SLC35D4: variants seen among roughly 807,000 people sequenced by gnomAD.
The protein encoded by SLC35D4 is UDP-N-acetylglucosamine transporter SLC35D4.
At chr18:23,267,062 A>C in the SLC35D4 span, among the ~76,000 whole-genome samples, 1 of 152,218 alleles carries the variant, frequency 6.6e-6, no homozygotes, top group Non-Finnish European at 1.5e-5. Context: ...CCGCATCTGC[A>C]TGGGGCCTGA....
At chr18:23,301,794 C>A in the SLC35D4 span, among the ~76,000 whole-genome samples, 1 of 152,132 alleles carries the variant, frequency 6.6e-6, no homozygotes, top group Non-Finnish European at 1.5e-5. Context: ...GTATCTTTCT[C>A]TTTTGTATGC....
the SLC35D4 span, among the ~76,000 whole-genome samples, chr18:23,314,448 A>G: frequency 6.6e-6 from 1 of 152,202 alleles, no homozygotes; most frequent in African/African-American, 2.4e-5. Context: ...GCCTACTGCA[A>G]TGTGCTTACC....
chr18:23,403,740 T>G, the SLC35D4 span, among the ~76,000 whole-genome samples: 2 of 152,222 alleles, frequency 1.3e-5, no homozygotes, highest in Non-Finnish European at 2.9e-5. Context: ...GAGATGCTTT[T>G]GGGACACCCA....
the SLC35D4 span, among the ~76,000 whole-genome samples, chr18:23,372,974 C>A: frequency 6.6e-6 from 1 of 152,110 alleles, no homozygotes; most frequent in Non-Finnish European, 1.5e-5. Context: ...GGGTCCTCAG[C>A]ACCTCATAAA....
chr18:23,367,322 C>T, the SLC35D4 span, among the ~76,000 whole-genome samples: 4 of 152,106 alleles, frequency 2.6e-5, no homozygotes, highest in South Asian at 6.2e-4. Context: ...AAATTCCCTC[C>T]GATACTTAGA....
chr18:23,284,932 G>A, the SLC35D4 span, among the ~76,000 whole-genome samples: 6 of 152,184 alleles, frequency 3.9e-5, no homozygotes, highest in Admixed American at 3.9e-4. Context: ...TGGGCAGGTG[G>A]CCCCTCTAGC....
At chr18:23,405,956 G>A in the SLC35D4 span, among the ~76,000 whole-genome samples, 1 of 152,174 alleles carries the variant, frequency 6.6e-6, no homozygotes, top group Admixed American at 6.6e-5. Context: ...ACAAGGTAAA[G>A]ACATGAGCTA....
At chr18:23,437,937 G>A in the SLC35D4 span, 2 of 1,431,026 alleles carry the variant, frequency 1.4e-6, no homozygotes, top group South Asian at 1.2e-5. Context: ...AGCAGCAGCG[G>A]CAGCGGCAGC....
At chr18:23,240,589 TG>T in the SLC35D4 span, among the ~76,000 whole-genome samples, 1 of 152,224 alleles carries the variant, frequency 6.6e-6, no homozygotes, top group African/African-American at 2.4e-5. Context: ...GATTCCCTCC[TG>T]GGTGGGAATG....
chr18:23,245,856 C>G, the SLC35D4 span, among the ~76,000 whole-genome samples: 2 of 152,274 alleles, frequency 1.3e-5, no homozygotes, highest in African/African-American at 4.8e-5. Flanking sequence ...TTGCAAAAAA[C>G]ACAACTGCCT....
At chr18:23,433,066 CTTTTTT>C in the SLC35D4 span, among the ~76,000 whole-genome samples, 2 of 142,970 alleles carry the variant, frequency 1.4e-5, no homozygotes, top group Admixed American at 7.0e-5. Flanking sequence ...TAACTCTTTT[CTTTTTT>C]TTTTTTGAGA....
At chr18:23,415,605 A>G in the SLC35D4 span, among the ~76,000 whole-genome samples, 17 of 152,250 alleles carry the variant, frequency 1.1e-4, no homozygotes, top group African/African-American at 4.1e-4. Flanking sequence ...AAAACGGGTC[A>G]CAACGTTCTT....
At chr18:23,417,266 G>C in the SLC35D4 span, among the ~76,000 whole-genome samples, 1 of 151,236 alleles carries the variant, frequency 6.6e-6, no homozygotes, top group African/African-American at 2.4e-5. Flanking sequence ...ATTAATAAAA[G>C]TATGGAGAAT....
the SLC35D4 span, among the ~76,000 whole-genome samples, chr18:23,431,515 C>G: frequency 6.6e-6 from 1 of 152,100 alleles, no homozygotes; most frequent in Non-Finnish European, 1.5e-5. Flanking sequence ...TCTTTCTTTC[C>G]TTTGTTGTCC....
chr18:23,279,670 C>T, the SLC35D4 span, among the ~76,000 whole-genome samples: 1 of 152,042 alleles, frequency 6.6e-6, no homozygotes, highest in African/African-American at 2.4e-5. Flanking sequence ...AGGAGACAAG[C>T]CTGGAAAGAC....
the SLC35D4 span, among the ~76,000 whole-genome samples, chr18:23,340,218 T>A: frequency 6.6e-6 from 1 of 152,052 alleles, no homozygotes; most frequent in African/African-American, 2.4e-5. Flanking sequence ...GTGCCTATAG[T>A]CTCAGCCACT....
chr18:23,320,540 T>C, the SLC35D4 span, among the ~76,000 whole-genome samples: 1 of 152,206 alleles, frequency 6.6e-6, no homozygotes, highest in Non-Finnish European at 1.5e-5. Flanking sequence ...CATGCCTATG[T>C]CTTTGATGAC....
chr18:23,263,091 G>A, the SLC35D4 span, among the ~76,000 whole-genome samples: 1 of 152,106 alleles, frequency 6.6e-6, no homozygotes, highest in Non-Finnish European at 1.5e-5. Flanking sequence ...GGTACCTGGG[G>A]CTCTGAAACA....
the SLC35D4 span, chr18:23,252,989 G>A: frequency 1.2e-5 from 19 of 1,613,224 alleles, no homozygotes; most frequent in Admixed American, 1.3e-4. Flanking sequence ...TGAAGCCCTC[G>A]GATCTCAAGA....
Sources: allele counts gnomAD v4.1 joint callset (sites outside exome capture counted in the v4.1 genomes callset), GRCh38; gene constraint gnomAD v4.1.1; transcripts MANE v1.5; gene names NCBI Gene and HGNC (gene_info 2026-07-23, HGNC 2026-07-21).